GALNTL6: variants seen among roughly 807,000 people sequenced by gnomAD.
GALNTL6 encodes polypeptide N-acetylgalactosaminyltransferase like 6, also known as polypeptide N-acetylgalactosaminyltransferase-like 6.
In GALNTL6, 46 loss-of-function variants were observed where a neutral mutation model predicts 73.7. That is an observed-to-expected ratio of 0.62 (90% CI 0.49 to 0.80). The LOEUF is 0.80. Among genes scored for constraint, GALNTL6 ranks in the 30% least tolerant of loss-of-function variants. The pLI, the probability that GALNTL6 is intolerant of heterozygous loss-of-function variation, is 0.00. For synonymous variants in GALNTL6, 259 were observed against 263.7 expected, an observed-to-expected ratio of 0.98 and a Z score of 0.17; for missense variants, 604 against 755.0, an observed-to-expected ratio of 0.80 and a Z score of 2.34.
At position 172,446,958 on chromosome 4, in the gene GALNTL6, GAA is replaced by G. The variant is rs1473195739; in HGVS notation, c.553+98270_553+98271del. 3.9e-5 allele frequency among the ~76,000 whole-genome samples: 6 copies of G among 152,268 alleles called. No homozygotes were observed. The East Asian group carries it at 1.2e-3, about 29-fold the overall frequency. On this transcript the variant is annotated intron_variant, in intron 5 of 12. Transcript: ENST00000506823. ...TTTTCTCAAAAATATTGCTTTGTGTGAAGTGGCATTTTCTAAATTTACTCATT... is the reference window on the plus strand; with the variant it reads ...TTTTCTCAAAAATATTGCTTTGTGTGGTGGCATTTTCTAAATTTACTCATT...
chr4:172,222,037 G>C (rs1157908266), intron 2 of GALNTL6, among the ~76,000 whole-genome samples: 1 of 151,758 alleles, frequency 6.6e-6, no homozygotes, highest in Non-Finnish European at 1.5e-5. Context: ...CTATGTTATT[G>C]AAACTTAAGA....
intron 2 of GALNTL6, among the ~76,000 whole-genome samples, chr4:171,927,718 A>G (rs1738031898): frequency 6.6e-6 from 1 of 152,118 alleles, no homozygotes; most frequent in South Asian, 2.1e-4. Flanking sequence ...CAAGGACATT[A>G]AAATTTGTGA....
At chr4:172,851,196 G>A (rs1743796277) in intron 7 of GALNTL6, among the ~76,000 whole-genome samples, 2 of 151,944 alleles carry the variant, frequency 1.3e-5, no homozygotes. Flanking sequence ...GAAATATCAA[G>A]GGATTTAAAA....
intron 5 of GALNTL6, among the ~76,000 whole-genome samples, chr4:172,360,740 T>C (rs1742333301): frequency 6.6e-6 from 1 of 152,112 alleles, no homozygotes; most frequent in African/African-American, 2.4e-5. Flanking sequence ...ACCACAACTG[T>C]TTGTGATTGT....
rs186180152 is a variant in GALNTL6, at chr4:172,301,920, G to T, written c.248-9694G>T. Among the ~76,000 whole-genome samples the T allele has an allele frequency of 3.2e-3, 482 of 152,310 alleles. 11 individuals are homozygous for T. The highest frequency in any genetic ancestry group is 0.03 in the Admixed American group (452 of 15,304). On this transcript the variant is annotated intron_variant, in intron 3 of 12. Transcript: ENST00000506823. The stretch of plus-strand genomic sequence containing the variant: ...CTGTCAGACAGGGACATTTAAGTCT[G>T]CAGAGGTTTGTGCTGCCTTTTGTTT...
intron 5 of GALNTL6, among the ~76,000 whole-genome samples, chr4:172,676,964 C>T (rs1007339389): frequency 2.0e-5 from 3 of 152,146 alleles, no homozygotes; most frequent in Non-Finnish European, 2.9e-5. Flanking sequence ...TATTCTTCTT[C>T]TTCTACTTCA....
chr4:172,300,547 C>T (rs944830345), intron 3 of GALNTL6, among the ~76,000 whole-genome samples: 27 of 152,208 alleles, frequency 1.8e-4, no homozygotes, highest in African/African-American at 5.8e-4. Context: ...CCTTCAGGAG[C>T]TCTTTTCGGG....
intron 5 of GALNTL6, among the ~76,000 whole-genome samples, chr4:172,542,267 G>T (rs1225271349): frequency 6.6e-6 from 1 of 151,938 alleles, no homozygotes; most frequent in Admixed American, 6.6e-5. Flanking sequence ...GGGAAGGCTG[G>T]TCGCCCCATT....
At chr4:171,835,192 C>T (rs886803003) in intron 2 of GALNTL6, among the ~76,000 whole-genome samples, 3 of 151,894 alleles carry the variant, frequency 2.0e-5, no homozygotes, top group Non-Finnish European at 2.9e-5. Context: ...ATTTTTATTT[C>T]TGCAAGAAAA....
At chr4:172,816,375 G>A (rs1326279323) in intron 7 of GALNTL6, among the ~76,000 whole-genome samples, 3 of 152,162 alleles carry the variant, frequency 2.0e-5, no homozygotes, top group African/African-American at 4.8e-5. Flanking sequence ...GATTATAGCA[G>A]TGTTTTCCAA....
intron 2 of GALNTL6, among the ~76,000 whole-genome samples, chr4:171,816,716 T>C (rs1171162558): frequency 6.6e-6 from 1 of 151,970 alleles, no homozygotes; most frequent in Non-Finnish European, 1.5e-5. Flanking sequence ...AAGGTAAAAA[T>C]TAATTGATTA....
At chr4:171,858,739 C>T (rs983158244) in intron 2 of GALNTL6, among the ~76,000 whole-genome samples, 3 of 151,978 alleles carry the variant, frequency 2.0e-5, no homozygotes, top group African/African-American at 7.2e-5. Context: ...CAGTTCTCTT[C>T]AAAAGCATAA....
chr4:172,369,310 A>G (rs1742694785), intron 5 of GALNTL6, among the ~76,000 whole-genome samples: 1 of 152,172 alleles, frequency 6.6e-6, no homozygotes, highest in Non-Finnish European at 1.5e-5. Flanking sequence ...TGGTGCGTTT[A>G]CAAACCTTTA....
chr4:172,300,554 C>T (rs191891904), intron 3 of GALNTL6, among the ~76,000 whole-genome samples: 6 of 152,132 alleles, frequency 3.9e-5, no homozygotes, highest in South Asian at 2.1e-4. Context: ...GAGCTCTTTT[C>T]GGGCAGGCCT....
chr4:171,900,348 C>A (rs1404019086), intron 2 of GALNTL6, among the ~76,000 whole-genome samples: 1 of 152,086 alleles, frequency 6.6e-6, no homozygotes, highest in Non-Finnish European at 1.5e-5. Context: ...CACTCTGTTG[C>A]CCAGGCTGGA....
chr4:172,620,327 G>C (rs1292326143), intron 5 of GALNTL6, among the ~76,000 whole-genome samples: 1 of 152,108 alleles, frequency 6.6e-6, no homozygotes, highest in East Asian at 1.9e-4. Context: ...TATTTAAACA[G>C]GTCAAACTTG....
intron 2 of GALNTL6, among the ~76,000 whole-genome samples, chr4:172,067,418 T>C (rs1731399063): frequency 6.6e-6 from 1 of 152,062 alleles, no homozygotes; most frequent in Non-Finnish European, 1.5e-5. Context: ...CAGAGAGTCA[T>C]TGCAAACGAC....
At chr4:172,932,301 GAATT>G (rs1324304038) in intron 9 of GALNTL6, among the ~76,000 whole-genome samples, 3 of 152,152 alleles carry the variant, frequency 2.0e-5, no homozygotes, top group African/African-American at 7.2e-5. Flanking sequence ...TTTGTTGAAA[GAATT>G]AATTAATCAG....
At chr4:172,197,359 A>G (rs1735807418) in intron 2 of GALNTL6, among the ~76,000 whole-genome samples, 1 of 152,236 alleles carries the variant, frequency 6.6e-6, no homozygotes, top group Non-Finnish European at 1.5e-5. Context: ...GAAAATGACC[A>G]TACTGCCCAA....
Sources: allele counts gnomAD v4.1 joint callset (sites outside exome capture counted in the v4.1 genomes callset), GRCh38; gene constraint gnomAD v4.1.1; transcripts MANE v1.5; gene names NCBI Gene and HGNC (gene_info 2026-07-23, HGNC 2026-07-21).